The following TPP2 variants were observed in gnomAD, a reference collection of about 807,000 sequenced individuals.
TPP2 encodes tripeptidyl peptidase 2.
In TPP2, 34 loss-of-function variants were observed where a neutral mutation model predicts 155.9. That is an observed-to-expected ratio of 0.22 (90% CI 0.17 to 0.29). TPP2 has a LOEUF of 0.29. TPP2 is among the 10% of genes least tolerant of loss of function. The pLI is 1.00. For synonymous variants in TPP2, 510 were observed against 529.4 expected, an observed-to-expected ratio of 0.96 and a Z score of 0.50; for missense variants, 1,028 against 1,522.3, an observed-to-expected ratio of 0.68 and a Z score of 5.40.
intron 25 of TPP2, among the ~76,000 whole-genome samples, chr13:102,660,567 A>G (rs1884143238): frequency 6.6e-6 from 1 of 152,256 alleles, no homozygotes; most frequent in Non-Finnish European, 1.5e-5. Context: ...ACTATTCTTC[A>G]TATTGATCGA....
chr13:102,626,850 G>A, intron 6 of TPP2, 162 bp from the exon 7 acceptor site: 1 of 503,278 alleles, frequency 2.0e-6, no homozygotes. Context: ...AGCTATACAT[G>A]TTGCAAATAC....
intron 1 of TPP2, among the ~76,000 whole-genome samples, chr13:102,603,757 A>G (rs1595128562): frequency 6.6e-6 from 1 of 152,238 alleles, no homozygotes; most frequent in Non-Finnish European, 1.5e-5. Flanking sequence ...AAAGTCTCCA[A>G]TGAACATGTC....
At chr13:102,671,215 G>A (rs745818533) in intron 27 of TPP2, among the ~76,000 whole-genome samples, 4 of 152,192 alleles carry the variant, frequency 2.6e-5, no homozygotes, top group Non-Finnish European at 5.9e-5. Flanking sequence ...AGGAATTGCC[G>A]CTGGGGAAGG....
chr13:102,601,783 C>T (rs1879448763), intron 1 of TPP2, among the ~76,000 whole-genome samples: 1 of 152,096 alleles, frequency 6.6e-6, no homozygotes, highest in African/African-American at 2.4e-5. Context: ...CTCCTCTGAC[C>T]CTACATTTCT....
At position 102,676,093 on chromosome 13, in the gene TPP2, A is replaced by C. The variant is rs181178176; in HGVS notation, c.3580-203A>C. ...ATTTCTCATATTAGTTTTCTTCCCA[A>C]AAAACAGATGGTTCATTCTGTGGAA... On this transcript the variant is annotated intron_variant, in intron 28 of 29. Coordinates refer to ENST00000376052, the MANE Select transcript of TPP2 (RefSeq NM_001330588.2). Among the ~76,000 whole-genome samples, 55 of 152,242 alleles carry C rather than the reference A, an allele frequency of 3.6e-4. 1 individual carries two copies. Among genetic ancestry groups the C allele is most frequent in the Non-Finnish European group, 1.8e-4 (12 of 67,990 alleles).
At position 102,674,580 on chromosome 13, in the gene TPP2, G is replaced by A. The variant is rs905164764; in HGVS notation, c.3579+90G>A. On this transcript the variant is annotated intron_variant, in intron 28 of 29. Coordinates refer to ENST00000376052, the MANE Select transcript of TPP2 (RefSeq NM_001330588.2). ...CCATTGCTGGTTAAAAGAGGAAGAA[G>A]ATAAATGGAAAGAATCTACGCTGGG... 1.6e-5 allele frequency: 21 copies of A among 1,308,878 alleles called. No homozygotes were observed. The Admixed American group carries it at 4.2e-4, about 26-fold the overall frequency. The allele number at this position is 1,308,878 out of a possible 1,614,324, so 81.1% of individuals were successfully genotyped here.
chr13:102,647,415 GT>G (rs1883183517), intron 21 of TPP2, 71 bp downstream of exon 21: 1 of 1,543,150 alleles, frequency 6.5e-7, no homozygotes, highest in African/African-American at 1.4e-5. Flanking sequence ...CTGGTTTCTT[GT>G]TATGGTAATG....
At chr13:102,646,464 A>G (rs979675624) in intron 20 of TPP2, 74 bp downstream of exon 20, 4 of 1,174,478 alleles carry the variant, frequency 3.4e-6, no homozygotes, top group African/African-American at 1.6e-5. Context: ...AGAATCAAAA[A>G]TGGAAGGACA....
In TPP2 at chr13:102,597,186, G is replaced by A; in HGVS notation, c.148G>A (p.Gly50Arg). 3 of 1,511,898 alleles carry A rather than the reference G, an allele frequency of 2.0e-6. No homozygotes were observed. The highest frequency in any genetic ancestry group is 2.7e-6 in the Non-Finnish European group (3 of 1,129,806). 93.7% of individuals were successfully genotyped at this position (1,511,898 alleles called of 1,614,324 possible). A position where few individuals can be genotyped will look rare whatever the true frequency, so the allele number is the denominator to read the frequency against. ...IAVLDTGVDP[G>R]APGMQVTTDG... is the part of the protein sequence containing the mutation. ...AGTCCTGGACACGGGGGTCGACCCG[G>A]GGGCTCCGGGCATGCAGGTGAGGCG... is the stretch of plus-strand genomic sequence containing the variant. Residue 50 changes from glycine (G) to arginine (R), a missense_variant, in exon 1 of 30, where the codon GGG becomes AGG. This residue lies in a region of TPP2 where 300 missense variants were observed against 398.3 expected (regional missense o/e 0.75). Transcript: ENST00000376052.
At chr13:102,601,906 G>C (rs921683680) in intron 1 of TPP2, among the ~76,000 whole-genome samples, 3 of 152,244 alleles carry the variant, frequency 2.0e-5, no homozygotes, top group Admixed American at 6.5e-5. Flanking sequence ...ATTTGTGTGT[G>C]TAGGAGAGAG....
Position 102,597,179 on chromosome 13 carries a change from C to G in TPP2, c.141C>G (p.Val47=). The change falls in exon 1 of 30, where the codon GTC becomes GTG. Residue 47 remains valine (V), a synonymous_variant. Transcript: ENST00000376052. ...TCATCGCAGTCCTGGACACGGGGGT[C>G]GACCCGGGGGCTCCGGGCATGCAGG... ...GVLIAVLDTG[V]DPGAPGMQVT... The G allele has an allele frequency of 6.5e-7, 1 of 1,537,680 alleles. No individual in the cohort carries two copies. Among genetic ancestry groups the G allele is most frequent in the Non-Finnish European group, 8.8e-7 (1 of 1,142,208 alleles).
intron 4 of TPP2, 51 bp downstream of exon 4, chr13:102,616,551 TAG>T: frequency 6.9e-7 from 1 of 1,441,402 alleles, no homozygotes; most frequent in Non-Finnish European, 9.4e-7. Context: ...CATATTCCCA[TAG>T]AGTTTCTACA....
At chr13:102,647,847 T>C (rs1883228557) in intron 21 of TPP2, among the ~76,000 whole-genome samples, 1 of 152,202 alleles carries the variant, frequency 6.6e-6, no homozygotes, top group Non-Finnish European at 1.5e-5. Context: ...GCTGTTTTAT[T>C]GAAGGGAAAA....
chr13:102,659,194 G>GA, intron 25 of TPP2, among the ~76,000 whole-genome samples: 1 of 152,188 alleles, frequency 6.6e-6, no homozygotes, highest in Non-Finnish European at 1.5e-5. Flanking sequence ...AAAAAGGAAT[G>GA]AAAAAAATGA....
chr13:102,667,535 AG>A (rs1371346545), intron 27 of TPP2, among the ~76,000 whole-genome samples: 1 of 152,216 alleles, frequency 6.6e-6, no homozygotes, highest in African/African-American at 2.4e-5. Flanking sequence ...AAATTGTAAA[AG>A]CCTGTAGAAA....
At position 102,647,087 on chromosome 13, in the gene TPP2, TACC is replaced by T. The variant is rs1177068881; in HGVS notation, c.2491-117_2491-115del. On this transcript the variant is annotated intron_variant, in intron 20 of 29. Coordinates refer to ENST00000376052, the MANE Select transcript of TPP2 (RefSeq NM_001330588.2). ...TGTGTTCTATATTTTCAAAATTTTT[TACC>T]ACAAGTATTTTTAATGTTTTTTAAA... 73 of 1,272,846 alleles carry T rather than the reference TACC, an allele frequency of 5.7e-5. No individual in the cohort carries two copies. In the South Asian group the frequency reaches 7.3e-4, roughly 13 times the overall value. 78.8% of individuals were successfully genotyped at this position (1,272,846 alleles called of 1,614,324 possible). A position where few individuals can be genotyped will look rare whatever the true frequency, so the allele number is the denominator to read the frequency against.
At chr13:102,614,032 C>T in intron 2 of TPP2, 69 bp from the exon 3 acceptor site, 3 of 1,364,080 alleles carry the variant, frequency 2.2e-6, no homozygotes, top group African/African-American at 1.5e-5. Context: ...TACTTTTTTG[C>T]TCAGTAGTGT....
chr13:102,678,367 G>T lies in TPP2; in HGVS notation c.*51G>T. On this transcript the variant is annotated 3_prime_UTR_variant, in exon 30 of 30. Transcript: ENST00000376052. Reference sequence around the variant, plus strand: ...AAAAAAGGAAGTTTTATAGTGAATGGGTATAAAAACAAATTTGTGGCATTT... The same window carrying T: ...AAAAAAGGAAGTTTTATAGTGAATGTGTATAAAAACAAATTTGTGGCATTT... 6.4e-7 allele frequency: 1 copy of T among 1,550,888 alleles called. No individual in the cohort carries two copies.
rs1880687053 is a variant in TPP2, at chr13:102,615,964, T to C, written c.391-432T>C. ...TCTGCTTCATTAGAAACTTTTTTTT[T>C]TTTTCTCTTTGAGACAGAGTCTTAC... On this transcript the variant is annotated intron_variant, in intron 3 of 29. Transcript: ENST00000376052. Among the ~76,000 whole-genome samples, 5 of 151,930 alleles carry C rather than the reference T, an allele frequency of 3.3e-5. 1 individual carries two copies. The South Asian group carries it at 1.0e-3, about 32-fold the overall frequency.
Sources: allele counts gnomAD v4.1 joint callset (sites outside exome capture counted in the v4.1 genomes callset), GRCh38; gene constraint gnomAD v4.1.1; regional missense constraint gnomAD v4.1.1; transcripts MANE v1.5; gene names NCBI Gene and HGNC (gene_info 2026-07-23, HGNC 2026-07-21).